The following NXN variants were observed in gnomAD, a reference collection of about 807,000 sequenced individuals.
NXN encodes the protein nucleoredoxin 1.
NXN carries 16 observed loss-of-function variants against 48.6 expected under a neutral mutation model. The observed-to-expected ratio is 0.33, with a 90% CI of 0.22 to 0.50. The LOEUF is 0.50. Ranked by LOEUF, NXN falls within the 20% of genes least tolerant of loss-of-function variation. NXN has a pLI of 0.98. For missense variants in NXN, 492 were observed against 605.5 expected, an observed-to-expected ratio of 0.81 and a Z score of 1.97; for synonymous variants, 281 against 269.6, an observed-to-expected ratio of 1.04 and a Z score of -0.41.
chr17:871,915 T>G (rs1369774445), intron 1 of NXN, among the ~76,000 whole-genome samples: 4 of 150,654 alleles, frequency 2.7e-5, no homozygotes, highest in African/African-American at 9.8e-5. Context: ...AACTCGGGGG[T>G]GAGGGATTGG....
At chr17:900,638 T>C (rs1340372312) in intron 1 of NXN, among the ~76,000 whole-genome samples, 1 of 152,208 alleles carries the variant, frequency 6.6e-6, no homozygotes, top group Non-Finnish European at 1.5e-5. Context: ...TGAATGATAC[T>C]AGTTTTTCAA....
At chr17:844,847 TGCTGGGATTACAG>T (rs1254072294) in intron 1 of NXN, among the ~76,000 whole-genome samples, 2 of 152,098 alleles carry the variant, frequency 1.3e-5, no homozygotes, top group Non-Finnish European at 2.9e-5. Context: ...CCTCCCAAAG[TGCTGGGATTACAG>T]GCATGAGCCA....
intron 5 of NXN, among the ~76,000 whole-genome samples, chr17:814,748 G>A (rs1176203017): frequency 3.3e-5 from 5 of 152,290 alleles, no homozygotes; most frequent in South Asian, 2.1e-4. Context: ...AAATCCGGCC[G>A]GGCGCAGTGG....
chr17:868,580 C>A (rs1019245932), intron 1 of NXN, among the ~76,000 whole-genome samples: 1 of 152,196 alleles, frequency 6.6e-6, no homozygotes, highest in Admixed American at 6.5e-5. Flanking sequence ...CAACCTCCGC[C>A]TCCCGGGTTC....
intron 3 of NXN, among the ~76,000 whole-genome samples, chr17:823,259 C>T (rs1171773412): frequency 1.3e-5 from 2 of 151,702 alleles, no homozygotes; most frequent in African/African-American, 4.8e-5. Flanking sequence ...ATTAGTCAGG[C>T]GTGGTGGCAT....
intron 1 of NXN, among the ~76,000 whole-genome samples, chr17:961,141 C>A (rs1430411416): frequency 6.6e-6 from 1 of 151,656 alleles, no homozygotes; most frequent in African/African-American, 2.4e-5. Flanking sequence ...TGCCTGTAAT[C>A]CCAGCACTTT....
rs1353334349 is a variant in NXN, at chr17:820,970, A to T, written c.713+1387T>A. On this transcript the variant is annotated intron_variant, in intron 4 of 7. Coordinates refer to ENST00000336868, the MANE Select transcript of NXN (RefSeq NM_022463.5). Reference sequence around the variant, plus strand: ...AAAAAAACTGACTGCTGCACCTGGCACGGCTTCACGCTGAGACGGGAGCTG... The same window carrying T: ...AAAAAAACTGACTGCTGCACCTGGCTCGGCTTCACGCTGAGACGGGAGCTG... 4.3e-4 allele frequency among the ~76,000 whole-genome samples: 31 copies of T among 72,100 alleles called. 11 individuals are homozygous for T. Among genetic ancestry groups the T allele is most frequent in the Non-Finnish European group, 6.8e-4 (27 of 39,696 alleles). 47.3% of individuals were successfully genotyped at this position (72,100 alleles called of 152,430 possible).
At chr17:859,062 A>G (rs1482595837) in intron 1 of NXN, among the ~76,000 whole-genome samples, 2 of 152,238 alleles carry the variant, frequency 1.3e-5, no homozygotes. Context: ...TTCGAAGGCC[A>G]TGGCACCTCC....
rs1247477161 is a variant in NXN at position 891,713 on chromosome 17, C to T, written c.361-65635G>A. Among the ~76,000 whole-genome samples the T allele has an allele frequency of 2.0e-5, 3 of 151,722 alleles. No individual in the cohort carries two copies. In the South Asian group the frequency reaches 6.2e-4, roughly 31 times the overall value. The stretch of plus-strand genomic sequence containing the variant: ...GCTAACCTCACCATGCACAGCCCAA[C>T]AGGGAACCTAAGCTAACCCCACCAT... On this transcript the variant is annotated intron_variant, in intron 1 of 7. Transcript: ENST00000336868.
chr17:807,099 C>T (rs189394571), intron 5 of NXN, among the ~76,000 whole-genome samples: 9 of 152,316 alleles, frequency 5.9e-5, no homozygotes, highest in African/African-American at 1.2e-4. Context: ...CCCCTGAGGC[C>T]GGGGTCCATG....
intron 1 of NXN, among the ~76,000 whole-genome samples, chr17:847,066 C>G (rs1052695620): frequency 6.6e-6 from 1 of 152,088 alleles, no homozygotes; most frequent in Non-Finnish European, 1.5e-5. Context: ...TTTCCGTGTC[C>G]GCTCTGCAAA....
intron 1 of NXN, among the ~76,000 whole-genome samples, chr17:835,625 G>C (rs565234497): frequency 6.6e-6 from 1 of 152,178 alleles, no homozygotes; most frequent in Non-Finnish European, 1.5e-5. Flanking sequence ...CATATCAAAA[G>C]GGACGGGACT....
At chr17:934,980 AT>A (rs79856003) in intron 1 of NXN, among the ~76,000 whole-genome samples, 45 of 150,796 alleles carry the variant, frequency 3.0e-4, no homozygotes, top group Admixed American at 5.9e-4. Context: ...TGTGCTCTTT[AT>A]TTTTTTTTAT....
intron 1 of NXN, chr17:842,432 G>A (rs1347102040): frequency 1.3e-6 from 1 of 790,014 alleles, no homozygotes; most frequent in East Asian, 1.3e-4. Flanking sequence ...TCCGGCTGTG[G>A]GCTGCAGTTC....
intron 1 of NXN, among the ~76,000 whole-genome samples, chr17:867,468 C>CT (rs1364600133): frequency 6.6e-6 from 1 of 152,250 alleles, no homozygotes; most frequent in African/African-American, 2.4e-5. Flanking sequence ...CAGCTACCAA[C>CT]ATATGCTTTC....
At chr17:880,260 G>A (rs1056459538) in intron 1 of NXN, among the ~76,000 whole-genome samples, 6 of 151,890 alleles carry the variant, frequency 4.0e-5, no homozygotes, top group East Asian at 1.9e-4. Context: ...CTTTATTTCC[G>A]GGGGCGGAGG....
chr17:863,864 G>GAA, intron 1 of NXN: 5 of 1,081,238 alleles, frequency 4.6e-6, no homozygotes, highest in Non-Finnish European at 6.8e-6. Flanking sequence ...GTCCTTCAGG[G>GAA]AAAAAACATA....
At chr17:803,851 T>C in intron 6 of NXN, 45 bp from the exon 7 acceptor site, 9 of 1,610,714 alleles carry the variant, frequency 5.6e-6, no homozygotes, top group Non-Finnish European at 7.6e-6. Context: ...GAAAAAGCAC[T>C]GGCTTGTCAA....
chr17:928,143 C>T (rs1245446253), intron 1 of NXN, among the ~76,000 whole-genome samples: 2 of 152,092 alleles, frequency 1.3e-5, no homozygotes, highest in Admixed American at 6.6e-5. Flanking sequence ...CATAAGCATG[C>T]GTCACTAGGA....
Sources: gnomAD v4.1 joint callset for allele counts (sites outside exome capture counted in the v4.1 genomes callset) on GRCh38, gnomAD v4.1.1 for gene constraint, MANE v1.5 for transcripts, NCBI Gene and HGNC (gene_info 2026-07-23, HGNC 2026-07-21) for gene names.